The following GPM6B variants were observed in gnomAD, a reference collection of about 807,000 sequenced individuals.
The protein encoded by GPM6B is neuronal membrane glycoprotein M6-b.
GPM6B carries 4 observed loss-of-function variants against 27.2 expected under a neutral mutation model. The ratio of observed to expected loss-of-function variants is 0.15; its 90% CI spans 0.07 to 0.34. The LOEUF (loss-of-function observed/expected upper bound fraction) is 0.34, where lower values mean the gene tolerates loss of function less well. Ranked by LOEUF, GPM6B falls within the 10% of genes least tolerant of loss-of-function variation. The probability of loss-of-function intolerance (pLI) is 1.00; values close to 1 mark genes in which losing one functional copy is unlikely to be tolerated. For synonymous variants in GPM6B, 124 were observed against 103.1 expected (o/e 1.20, Z -1.23); for missense variants, 183 against 261.9 (o/e 0.70, Z 2.08).
chrX:13,859,374 T>C (rs909696281), intron 1 of GPM6B, among the ~76,000 whole-genome samples: 6 of 112,081 alleles, frequency 5.4e-5, no homozygotes, highest in African/African-American at 1.9e-4. Flanking sequence ...ATGTTTGAGA[T>C]TTTTCCATGT....
chrX:13,796,266 G>A (rs745591897), intron 2 of GPM6B, among the ~76,000 whole-genome samples: 125 of 110,417 alleles, frequency 1.1e-3, no homozygotes, highest in African/African-American at 4.1e-3. Flanking sequence ...ATGGGGTTTC[G>A]CCATGTTGAC....
chrX:13,853,301 A>G (rs2049741075), intron 1 of GPM6B, among the ~76,000 whole-genome samples: 2 of 110,958 alleles, frequency 1.8e-5, no homozygotes, highest in African/African-American at 3.3e-5. Context: ...GGATACAAGG[A>G]TCATAAAGGA....
intron 1 of GPM6B, among the ~76,000 whole-genome samples, chrX:13,849,816 T>C (rs768223553): frequency 9.1e-6 from 1 of 109,453 alleles, no homozygotes; most frequent in African/African-American, 3.3e-5. Flanking sequence ...TCTCAGCATT[T>C]TGGGAGGCTG....
At chrX:13,871,934 T>C (rs2049982759) in intron 1 of GPM6B, among the ~76,000 whole-genome samples, 1 of 111,881 alleles carries the variant, frequency 8.9e-6, no homozygotes, top group African/African-American at 3.3e-5. Context: ...CCAGCTGTTC[T>C]TCCAGGTGTG....
chrX:13,790,893 T>C lies in GPM6B; in HGVS notation c.182-5085A>G, dbSNP rs1020916929. ...CACACACTCCAACCACCCCCTAAAG[T>C]GCTGGGAGTGCCTGTGCACAAAAAG... On this transcript the variant is annotated intron_variant, in intron 2 of 7. Transcript: ENST00000316715. Among the ~76,000 whole-genome samples the C allele has an allele frequency of 7.1e-5, 8 of 111,912 alleles. No individual in the cohort carries two copies. In the Admixed American group the frequency reaches 7.6e-4, roughly 11 times the overall value.
At chrX:13,891,696 T>C (rs1191223276) in intron 1 of GPM6B, among the ~76,000 whole-genome samples, 2 of 112,022 alleles carry the variant, frequency 1.8e-5, no homozygotes, top group African/African-American at 3.2e-5. Context: ...TTCCTCAGCA[T>C]TGGGGGAAAT....
At chrX:13,863,283 A>G (rs908240642) in intron 1 of GPM6B, among the ~76,000 whole-genome samples, 2 of 112,046 alleles carry the variant, frequency 1.8e-5, no homozygotes, top group African/African-American at 6.5e-5. Context: ...TCATTTCTGG[A>G]TAAGAACAAA....
chrX:13,837,388 G>A (rs1192949947), intron 1 of GPM6B, among the ~76,000 whole-genome samples: 2 of 111,445 alleles, frequency 1.8e-5, no homozygotes, highest in Non-Finnish European at 1.9e-5. Context: ...CGAGGGGGCC[G>A]CTGAGTCACC....
At chrX:13,819,059 T>C (rs148650586), upstream of GPM6B, among the ~76,000 whole-genome samples, 2,480 of 112,286 alleles carry the variant, frequency 0.022, 48 homozygotes, top group African/African-American at 0.065. Context: ...TGAAAGACAT[T>C]CTTAATTTAA....
chrX:13,933,740 G>A (rs974542061), intron 1 of GPM6B, among the ~76,000 whole-genome samples: 1 of 111,416 alleles, frequency 9.0e-6, no homozygotes, highest in South Asian at 3.8e-4. Flanking sequence ...TAAGGGGAGT[G>A]GGGTAGGTGA....
At chrX:13,874,156 T>C (rs1440300651) in intron 1 of GPM6B, among the ~76,000 whole-genome samples, 2 of 112,051 alleles carry the variant, frequency 1.8e-5, no homozygotes, top group Non-Finnish European at 3.8e-5. Context: ...AGTTTGTAAA[T>C]AGATACAAAT....
intron 2 of GPM6B, among the ~76,000 whole-genome samples, chrX:13,791,962 A>C (rs2048722134): frequency 9.0e-6 from 1 of 111,065 alleles, no homozygotes; most frequent in Non-Finnish European, 1.9e-5. Context: ...ACCTCTCTAC[A>C]TGGGGCCTTC....
intron 1 of GPM6B, among the ~76,000 whole-genome samples, chrX:13,908,906 GCACA>G (rs1294844808): frequency 8.9e-6 from 1 of 111,842 alleles, no homozygotes; most frequent in African/African-American, 3.2e-5. Context: ...CACAAAGCTA[GCACA>G]CAAATATTTG....
At chrX:13,865,335 A>G (rs1413526860) in intron 1 of GPM6B, among the ~76,000 whole-genome samples, 1 of 108,936 alleles carries the variant, frequency 9.2e-6, no homozygotes, top group African/African-American at 3.3e-5. Context: ...ACATGCGGGC[A>G]CTTTGTAAAC....
chrX:13,815,118 C>T (rs1430708463), intron 1 of GPM6B, among the ~76,000 whole-genome samples: 2 of 111,709 alleles, frequency 1.8e-5, no homozygotes, highest in Non-Finnish European at 3.8e-5. Context: ...TGATAAGATA[C>T]ACAGTTGTGT....
At chrX:13,815,046 T>C (rs1271484496) in intron 1 of GPM6B, among the ~76,000 whole-genome samples, 1 of 112,171 alleles carries the variant, frequency 8.9e-6, no homozygotes, top group Non-Finnish European at 1.9e-5. Flanking sequence ...ACTAGCAACC[T>C]GTAGATCTGT....
chrX:13,797,512 C>T (rs1404929053), intron 2 of GPM6B, among the ~76,000 whole-genome samples: 2 of 111,216 alleles, frequency 1.8e-5, no homozygotes, highest in African/African-American at 6.6e-5. Flanking sequence ...TCATCAAGGA[C>T]ACCAGGGTAA....
intron 7 of GPM6B, 196 bp from the exon 8 acceptor site, chrX:13,773,226 A>G (rs1173273649): frequency 3.1e-6 from 1 of 321,701 alleles, no homozygotes; most frequent in Non-Finnish European, 5.4e-6. Context: ...GGCTGAAGAA[A>G]AGTTAGTATA....
chrX:13,823,854 A>G (rs973224421), intron 1 of GPM6B, among the ~76,000 whole-genome samples: 8 of 112,153 alleles, frequency 7.1e-5, no homozygotes, highest in African/African-American at 2.3e-4. Context: ...GAGCAAGAGA[A>G]TAAGTTTGGC....
Sources: gnomAD v4.1 joint callset for allele counts (sites outside exome capture counted in the v4.1 genomes callset) on GRCh38, gnomAD v4.1.1 for gene constraint, MANE v1.5 for transcripts, NCBI Gene and HGNC (gene_info 2026-07-23, HGNC 2026-07-21) for gene names.